CYP3A43: variants seen among roughly 807,000 people sequenced by gnomAD.
The protein encoded by CYP3A43 is cytochrome P450 3A43.
In CYP3A43, 45 loss-of-function variants were observed where a neutral mutation model predicts 58.0. That is an observed-to-expected ratio of 0.78 (90% CI 0.61 to 0.99). The LOEUF (loss-of-function observed/expected upper bound fraction) is 0.99, where lower values mean the gene tolerates loss of function less well. Among genes scored for constraint, CYP3A43 ranks in the 50% least tolerant of loss-of-function variants. CYP3A43 has a pLI of 0.00. For missense variants in CYP3A43, 593 were observed against 591.9 expected (o/e 1.00, Z -0.02); for synonymous variants, 191 against 201.4 (o/e 0.95, Z 0.44).
chr7:99,839,173 G>T lies in CYP3A43; in HGVS notation c.218+1G>T, dbSNP rs1393574437. The stretch of plus-strand genomic sequence containing the variant: ...ATGAAAAATACGGAGAAATGTGGGG[G>T]TGAGTATTCTGGAAACTTGCATTGG... On this transcript the variant is annotated splice_donor_variant, in intron 3 of 12. Transcript: ENST00000354829. LOFTEE classifies it high-confidence loss of function. 1 of 1,614,020 alleles carries T rather than the reference G, an allele frequency of 6.2e-7. No homozygotes were observed. Among genetic ancestry groups the T allele is most frequent in the Non-Finnish European group, 8.5e-7 (1 of 1,180,020 alleles).
intron 4 of CYP3A43, 51 bp from the exon 5 acceptor site, chr7:99,847,437 G>A (rs1268691343): frequency 1.3e-6 from 2 of 1,572,002 alleles, no homozygotes; most frequent in Non-Finnish European, 1.7e-6. Flanking sequence ...CTACAACTAT[G>A]GAGATCTCTA....
intron 7 of CYP3A43, among the ~76,000 whole-genome samples, chr7:99,850,670 T>C (rs961338033): frequency 2.6e-5 from 4 of 152,062 alleles, no homozygotes; most frequent in Non-Finnish European, 5.9e-5. Context: ...AAAACCCCCC[T>C]CAGCTTTAAG....
chr7:99,840,943 G>A (rs1288957190), intron 3 of CYP3A43, among the ~76,000 whole-genome samples: 2 of 152,136 alleles, frequency 1.3e-5, no homozygotes, highest in Non-Finnish European at 2.9e-5. Context: ...GCTGAGGTCT[G>A]GGAGCTTCTC....
chr7:99,829,657 G>A (rs1466460831), intron 1 of CYP3A43, among the ~76,000 whole-genome samples: 2 of 152,238 alleles, frequency 1.3e-5, no homozygotes, highest in East Asian at 3.9e-4. Context: ...TTGTCTGGCT[G>A]CCCTGTGAAC....
At chr7:99,845,249 T>A (rs1817500562) in intron 4 of CYP3A43, among the ~76,000 whole-genome samples, 1 of 152,178 alleles carries the variant, frequency 6.6e-6, no homozygotes, top group Non-Finnish European at 1.5e-5. Flanking sequence ...ACTTTCCCTC[T>A]ATGGGGTTAC....
At chr7:99,835,535 G>T (rs1177822060) in intron 1 of CYP3A43, among the ~76,000 whole-genome samples, 1 of 152,170 alleles carries the variant, frequency 6.6e-6, no homozygotes, top group East Asian at 1.9e-4. Flanking sequence ...TTCTCCCTCT[G>T]ATTTAACATG....
intron 7 of CYP3A43, among the ~76,000 whole-genome samples, chr7:99,850,278 T>C (rs936126826): frequency 6.6e-6 from 1 of 151,308 alleles, no homozygotes; most frequent in Non-Finnish European, 1.5e-5. Context: ...TTCTTTCTTT[T>C]TTTAAACAGA....
At chr7:99,863,874 C>T (rs1386113623) in intron 12 of CYP3A43, among the ~76,000 whole-genome samples, 175 bp downstream of exon 12, 4 of 138,800 alleles carry the variant, frequency 2.9e-5, no homozygotes, top group Non-Finnish European at 5.9e-5. Context: ...AAATCTGTGG[C>T]TTTGTAAAGA....
rs138373642 is a variant in CYP3A43 at position 99,861,878 on chromosome 7, C to T, written c.1253+39C>T. On this transcript the variant is annotated intron_variant, in intron 11 of 12. Transcript: ENST00000354829. The stretch of plus-strand genomic sequence containing the variant: ...GGGAAAGGAGCCTTCCCTCAACCAG[C>T]CTGATTCAAGTATATTCTGCCTCTC... 3.4e-4 allele frequency: 534 copies of T among 1,558,976 alleles called. 4 individuals are homozygous for T. The African/African-American group carries it at 6.6e-3, about 19-fold the overall frequency.
At chr7:99,865,400 A>T (rs1255039936) in intron 12 of CYP3A43, among the ~76,000 whole-genome samples, 1 of 148,732 alleles carries the variant, frequency 6.7e-6, no homozygotes, top group Admixed American at 6.6e-5. Context: ...TGCTTCTTGA[A>T]GATCTCTTCC....
chr7:99,831,740 A>G (rs1323565656), intron 1 of CYP3A43, among the ~76,000 whole-genome samples: 2 of 151,672 alleles, frequency 1.3e-5, no homozygotes, highest in Non-Finnish European at 2.9e-5. Context: ...CAGTAAACTG[A>G]CTCTGTGTGA....
Position 99,854,143 on chromosome 7 carries a change from C to T in CYP3A43, c.671-1448C>T, listed in dbSNP as rs192610368. Among the ~76,000 whole-genome samples the T allele has an allele frequency of 1.6e-3, 240 of 152,020 alleles. 2 individuals carry two copies. Among genetic ancestry groups the T allele is most frequent in the Middle Eastern group, 0.01 (3 of 294 alleles). ...CTATTTTTTGTAACCTTTTATTATC[C>T]TTACCTCCCCCGCCCCCACTACCCT... On this transcript the variant is annotated intron_variant, in intron 7 of 12. Transcript: ENST00000354829.
intron 9 of CYP3A43, among the ~76,000 whole-genome samples, chr7:99,857,562 G>C (rs1303145304): frequency 1.3e-5 from 2 of 152,158 alleles, no homozygotes; most frequent in African/African-American, 4.8e-5. Context: ...GGAAGTGGAG[G>C]CTGGGCATGG....
At chr7:99,847,252 A>G (rs893988485) in intron 4 of CYP3A43, among the ~76,000 whole-genome samples, 1 of 152,040 alleles carries the variant, frequency 6.6e-6, no homozygotes. Flanking sequence ...GGAAACTGGG[A>G]TATAGTGACT....
intron 11 of CYP3A43, 83 bp from the exon 12 acceptor site, chr7:99,863,454 A>T: frequency 2.4e-6 from 3 of 1,254,218 alleles, no homozygotes. Flanking sequence ...CGCCTCCCAA[A>T]AGCCACCACA....
At chr7:99,857,454 G>C (rs189552651) in intron 9 of CYP3A43, among the ~76,000 whole-genome samples, 46 of 152,240 alleles carry the variant, frequency 3.0e-4, no homozygotes, top group African/African-American at 1.1e-3. Context: ...TCATTACTAT[G>C]ATGGTCGCAA....
At chr7:99,847,765 A>G in intron 5 of CYP3A43, 164 bp downstream of exon 5, 2 of 1,110,930 alleles carry the variant, frequency 1.8e-6, no homozygotes, top group Non-Finnish European at 2.6e-6. Context: ...TAATCCCAGC[A>G]CTTTGGGAGG....
At chr7:99,843,059 T>C (rs1301385194) in intron 3 of CYP3A43, among the ~76,000 whole-genome samples, 2 of 152,218 alleles carry the variant, frequency 1.3e-5, no homozygotes, top group African/African-American at 2.4e-5. Context: ...TCTTTTCATA[T>C]GTTTGCATTA....
chr7:99,859,893 C>G lies in CYP3A43; in HGVS notation c.929C>G (p.Thr310Ser), dbSNP rs1563072147. 6.2e-7 allele frequency: 1 copy of G among 1,614,132 alleles called. No individual in the cohort carries two copies. The highest frequency in any genetic ancestry group is 8.5e-7 in the Non-Finnish European group (1 of 1,180,018). Reference sequence around the variant, plus strand: ...ATCATTTTTGCTGCCTATGACACAACTAGCACCACTCTCCCCTTCATTATG... The same window carrying G: ...ATCATTTTTGCTGCCTATGACACAAGTAGCACCACTCTCCCCTTCATTATG... Reference protein sequence around the residue: ...IIIIFAAYDTTSTTLPFIMYE... With the variant: ...IIIIFAAYDTSSTTLPFIMYE... The change falls in exon 10 of 13, where the codon ACT (threonine) becomes AGT (serine). Residue 310 changes from threonine (T) to serine (S), a missense_variant. Transcript: ENST00000354829.
Sources: allele counts gnomAD v4.1 joint callset (sites outside exome capture counted in the v4.1 genomes callset), GRCh38; gene constraint gnomAD v4.1.1; transcripts MANE v1.5; gene names NCBI Gene and HGNC (gene_info 2026-07-23, HGNC 2026-07-21).